The following NXN variants were observed in gnomAD, a reference collection of about 807,000 sequenced individuals.
The protein encoded by NXN is nucleoredoxin 1.
A neutral mutation model predicts 48.6 loss-of-function variants in NXN; 16 were observed. The observed-to-expected ratio is 0.33, with a 90% CI of 0.22 to 0.50. NXN has a LOEUF of 0.50. Ranked by LOEUF, NXN falls within the 20% of genes least tolerant of loss-of-function variation. NXN has a pLI of 0.98. For missense variants in NXN, 492 were observed against 605.5 expected, an observed-to-expected ratio of 0.81 and a Z score of 1.97; for synonymous variants, 281 against 269.6, an observed-to-expected ratio of 1.04 and a Z score of -0.41.
intron 1 of NXN, 80 bp downstream of exon 1, chr17:979,219 CAACGGGGTTGGCGGAGGGCA>C: frequency 1.9e-6 from 1 of 536,950 alleles, no homozygotes; most frequent in Non-Finnish European, 2.3e-6. Context: ...GGCAGGGGGA[CAACGGGGTTGGCGGAGGGCA>C]GGGGTAACGG....
intron 7 of NXN, 63 bp downstream of exon 7, chr17:803,619 T>G: frequency 6.2e-7 from 1 of 1,606,912 alleles, no homozygotes; most frequent in Admixed American, 1.7e-5. Context: ...GGGGCCAGGA[T>G]CAGTCCTGTG....
chr17:940,730 A>G (rs1329974552), intron 1 of NXN, among the ~76,000 whole-genome samples: 1 of 150,558 alleles, frequency 6.6e-6, no homozygotes, highest in Admixed American at 6.6e-5. Flanking sequence ...TCCTGGATTT[A>G]CAGTGAACAA....
rs548150841 is a variant in NXN at position 978,096 on chromosome 17, G to C, written c.360+1223C>G. 2.0e-4 allele frequency among the ~76,000 whole-genome samples: 30 copies of C among 152,256 alleles called. No individual in the cohort carries two copies. The highest frequency in any genetic ancestry group is 7.2e-4 in the African/African-American group (30 of 41,542). On this transcript the variant is annotated intron_variant, in intron 1 of 7. Coordinates refer to ENST00000336868, the MANE Select transcript of NXN (RefSeq NM_022463.5). The surrounding 1 kb of genome is among the most constrained non-coding windows in gnomAD (Gnocchi z 4.1). ...TTTGCTCCCAGTAAATCTAAATCAT[G>C]CTTCTCAACAAGATTCTGCACATAT...
In NXN at chr17:958,264, A is replaced by G. The variant is rs2069193780; in HGVS notation, c.360+21055T>C. Among the ~76,000 whole-genome samples, 1 of 152,160 alleles carries G rather than the reference A, an allele frequency of 6.6e-6. No homozygotes were observed. Among genetic ancestry groups the G allele is most frequent in the African/African-American group, 2.4e-5 (1 of 41,428 alleles). ...GTCCCTTCCCCGGTGCCTCTGCCCAACAAGACATGACGGTGAGCAAGGTTA... is the reference window on the plus strand; with the variant it reads ...GTCCCTTCCCCGGTGCCTCTGCCCAGCAAGACATGACGGTGAGCAAGGTTA... On this transcript the variant is annotated intron_variant, in intron 1 of 7. Transcript: ENST00000336868. This position sits in a 1 kb window ranked among gnomAD's most constrained non-coding sequence, Gnocchi z 6.9.
chr17:915,425 G>A (rs191620401), intron 1 of NXN, among the ~76,000 whole-genome samples: 7 of 152,100 alleles, frequency 4.6e-5, no homozygotes, highest in South Asian at 2.1e-4. Context: ...CTGGGACTAC[G>A]GGAGTGTGCC....
At position 905,969 on chromosome 17, in the gene NXN, C is replaced by T. The variant is rs1477508746; in HGVS notation, c.360+73350G>A. Among the ~76,000 whole-genome samples, 5 of 139,260 alleles carry T rather than the reference C, an allele frequency of 3.6e-5. No homozygotes were observed. In the East Asian group the frequency reaches 9.8e-4, roughly 27 times the overall value. 91.4% of individuals were successfully genotyped at this position (139,260 alleles called of 152,430 possible). ...TCCAGCCTGAACTACAGAGTGAGAC[C>T]TTGTCTCAAAAAAAAAAAAAAGAAA... On this transcript the variant is annotated intron_variant, in intron 1 of 7. Coordinates refer to ENST00000336868, the MANE Select transcript of NXN (RefSeq NM_022463.5).
chr17:917,439 G>A lies in NXN; in HGVS notation c.360+61880C>T, dbSNP rs1023152697. On this transcript the variant is annotated intron_variant, in intron 1 of 7. Transcript: ENST00000336868. This position sits in a 1 kb window ranked among gnomAD's most constrained non-coding sequence, Gnocchi z 4.5. ...TCTGAAAGAACAGGCGGGAGCCGCC[G>A]CTCACATCTTTACTCATGAACCTAA... Among the ~76,000 whole-genome samples the A allele has an allele frequency of 2.0e-5, 3 of 152,210 alleles. No individual in the cohort carries two copies. Among genetic ancestry groups the A allele is most frequent in the South Asian group, 2.1e-4 (1 of 4,836 alleles).
At chr17:837,136 C>G (rs1029597531) in intron 1 of NXN, among the ~76,000 whole-genome samples, 3 of 152,110 alleles carry the variant, frequency 2.0e-5, no homozygotes, top group African/African-American at 7.2e-5. Context: ...CACCACCATG[C>G]CTCACTAATT....
chr17:850,493 G>T (rs1161192490), intron 1 of NXN, among the ~76,000 whole-genome samples: 1 of 152,206 alleles, frequency 6.6e-6, no homozygotes, highest in Non-Finnish European at 1.5e-5. Context: ...AGGTGGCCGT[G>T]AGCAAACTCA....
chr17:943,498 T>A (rs985745434), intron 1 of NXN, among the ~76,000 whole-genome samples: 1 of 152,148 alleles, frequency 6.6e-6, no homozygotes, highest in Non-Finnish European at 1.5e-5. Flanking sequence ...AAAAGTAACA[T>A]CTGGTCATTA....
chr17:979,234 A>AGGGCCGGGGTAACGGGCGTGGGGGGC, intron 1 of NXN, 85 bp downstream of exon 1: 3 of 457,574 alleles, frequency 6.6e-6, no homozygotes, highest in East Asian at 2.9e-4. Flanking sequence ...GGGTTGGCGG[A>AGGGCCGGGGTAACGGGCGTGGGGGGC]GGGCAGGGGT....
At chr17:892,484 A>G (rs1252403378) in intron 1 of NXN, among the ~76,000 whole-genome samples, 3 of 152,110 alleles carry the variant, frequency 2.0e-5, no homozygotes, top group Non-Finnish European at 2.9e-5. Flanking sequence ...CAGCCAGGCC[A>G]CCCCTCATCC....
chr17:836,326 A>T (rs1254663781), intron 1 of NXN, among the ~76,000 whole-genome samples: 4 of 152,192 alleles, frequency 2.6e-5, no homozygotes, highest in Non-Finnish European at 4.4e-5. Context: ...GGCAAAGCCA[A>T]CGCAGATGTA....
chr17:863,673 C>T (rs1022569050), intron 1 of NXN, among the ~76,000 whole-genome samples: 1 of 152,084 alleles, frequency 6.6e-6, no homozygotes, highest in Non-Finnish European at 1.5e-5. Context: ...ATGTTGCCCA[C>T]GCTGGTCTTG....
At chr17:812,907 T>G (rs1912225699) in intron 5 of NXN, among the ~76,000 whole-genome samples, 1 of 136,110 alleles carries the variant, frequency 7.3e-6, no homozygotes, top group South Asian at 2.4e-4. Context: ...TGTGTGCATG[T>G]GTGACTGTAG....
chr17:809,267 A>G (rs1911770575), intron 5 of NXN, among the ~76,000 whole-genome samples: 1 of 152,244 alleles, frequency 6.6e-6, no homozygotes, highest in African/African-American at 2.4e-5. Context: ...CGCAGCCCTG[A>G]GTCCCCTGCT....
intron 3 of NXN, 120 bp from the exon 4 acceptor site, chr17:822,577 T>C (rs569819771): frequency 4.5e-6 from 3 of 668,988 alleles, no homozygotes; most frequent in East Asian, 5.5e-5. Context: ...ATCCCGTTCA[T>C]GAAAGGGGTG....
chr17:918,492 G>T (rs990627589), intron 1 of NXN, among the ~76,000 whole-genome samples: 2 of 151,988 alleles, frequency 1.3e-5, no homozygotes, highest in African/African-American at 4.8e-5. Flanking sequence ...TTAATTTCTT[G>T]ACTTAAAAAG....
intron 1 of NXN, among the ~76,000 whole-genome samples, chr17:872,747 A>G (rs888113270): frequency 7.3e-5 from 11 of 150,586 alleles, no homozygotes; most frequent in African/African-American, 2.7e-4. Context: ...CAACCTCCCA[A>G]GTAGCTGGGA....
Sources: gnomAD v4.1 joint callset for allele counts (sites outside exome capture counted in the v4.1 genomes callset) on GRCh38, gnomAD v4.1.1 for gene constraint, Gnocchi (gnomAD v3.1) non-coding constraint, MANE v1.5 for transcripts, NCBI Gene and HGNC (gene_info 2026-07-23, HGNC 2026-07-21) for gene names.